Variants in NOVA1 observed in about 807,000 individuals in gnomAD.
NOVA1 encodes the protein RNA-binding protein Nova-1.
NOVA1 carries 7 observed loss-of-function variants against 38.0 expected under a neutral mutation model. The ratio of observed to expected loss-of-function variants is 0.18; its 90% CI spans 0.10 to 0.35. NOVA1 has a LOEUF of 0.35. Among genes scored for constraint, NOVA1 ranks in the 10% least tolerant of loss-of-function variants. NOVA1 has a pLI of 1.00. For missense variants in NOVA1, 460 were observed against 616.0 expected, an observed-to-expected ratio of 0.75 and a Z score of 2.68; for synonymous variants, 270 against 232.5, an observed-to-expected ratio of 1.16 and a Z score of -1.47.
intron 4 of NOVA1, among the ~76,000 whole-genome samples, chr14:26,468,219 G>A (rs1884298018): frequency 6.6e-6 from 1 of 152,030 alleles, no homozygotes; most frequent in Non-Finnish European, 1.5e-5. Context: ...GGAGAGGGAC[G>A]TGTGGCAGGC....
Position 26,550,039 on chromosome 14 carries a change from T to C in NOVA1, c.280+45371A>G, listed in dbSNP as rs148051324. Among the ~76,000 whole-genome samples, 690 of 152,268 alleles carry C rather than the reference T, an allele frequency of 4.5e-3. 6 individuals carry two copies. Among genetic ancestry groups the C allele is most frequent in the African/African-American group, 0.016 (646 of 41,562 alleles). On this transcript the variant is annotated intron_variant, in intron 2 of 4. Transcript: ENST00000539517. ...ATGCTAAGAATGGTTGCAGGAAACGTAGAAATATACTTACTCAATTCACAA... is the reference window on the plus strand; with the variant it reads ...ATGCTAAGAATGGTTGCAGGAAACGCAGAAATATACTTACTCAATTCACAA...
chr14:26,452,693 C>A (rs1882807328), intron 4 of NOVA1, among the ~76,000 whole-genome samples: 1 of 152,124 alleles, frequency 6.6e-6, no homozygotes, highest in Admixed American at 6.5e-5. Context: ...CAACGGCATA[C>A]CAATTATTTG....
chr14:26,475,654 A>G (rs1275253956), intron 3 of NOVA1, among the ~76,000 whole-genome samples: 1 of 152,202 alleles, frequency 6.6e-6, no homozygotes, highest in African/African-American at 2.4e-5. Flanking sequence ...ATAATTCTTT[A>G]GACGCTGAAG....
At chr14:26,543,632 T>C (rs1890607417) in intron 2 of NOVA1, among the ~76,000 whole-genome samples, 1 of 151,826 alleles carries the variant, frequency 6.6e-6, no homozygotes, top group Non-Finnish European at 1.5e-5. Context: ...CATCCCAAAA[T>C]GACAGAACAG....
At chr14:26,560,715 C>T (rs987142075) in intron 2 of NOVA1, among the ~76,000 whole-genome samples, 1 of 152,214 alleles carries the variant, frequency 6.6e-6, no homozygotes, top group Non-Finnish European at 1.5e-5. Flanking sequence ...CATACACACA[C>T]ATTTACATAT....
At position 26,576,609 on chromosome 14, in the gene NOVA1, G is replaced by GTA. The variant is rs201582019; in HGVS notation, c.280+18799_280+18800dup. 7.2e-4 allele frequency among the ~76,000 whole-genome samples: 109 copies of GTA among 151,114 alleles called. 1 individual carries two copies. Among genetic ancestry groups the GTA allele is most frequent in the Admixed American group, 1.8e-3 (27 of 15,170 alleles). On this transcript the variant is annotated intron_variant, in intron 2 of 4. Transcript: ENST00000539517. ...TCACAATGTGTGTGTCTGTGTGTGTGTATATATATATACACATACCACCTG... is the reference window on the plus strand; with the variant it reads ...TCACAATGTGTGTGTCTGTGTGTGTGTATATATATATATACACATACCACCTG...
chr14:26,578,745 T>C (rs1316523473), intron 2 of NOVA1, among the ~76,000 whole-genome samples: 1 of 152,056 alleles, frequency 6.6e-6, no homozygotes, highest in Non-Finnish European at 1.5e-5. Context: ...ATATTACAAA[T>C]GAGAAGGAAA....
chr14:26,448,337 T>C lies in NOVA1; in HGVS notation c.1146A>G (p.Thr382=). ...CAGCAGCCAGGCTACCTAATGCAAA[T>C]GTCCCCGCCGTACCACCAGCTGTGC... is the stretch of plus-strand genomic sequence containing the variant. ...SGSTAGGTAG[T]FALGSLAAAT... Residue 382 remains threonine, a synonymous_variant, in exon 5 of 5, where the codon ACA becomes ACG. Coordinates refer to ENST00000539517, the MANE Select transcript of NOVA1 (RefSeq NM_002515.3). The surrounding 1 kb of genome is among the most constrained non-coding windows in gnomAD (Gnocchi z 5.3). 6.2e-7 allele frequency: 1 copy of C among 1,610,206 alleles called. No individual in the cohort carries two copies. The highest frequency in any genetic ancestry group is 8.5e-7 in the Non-Finnish European group (1 of 1,178,656).
chr14:26,487,152 G>GT (rs1053272559), intron 2 of NOVA1, among the ~76,000 whole-genome samples: 4 of 152,128 alleles, frequency 2.6e-5, no homozygotes, highest in African/African-American at 9.7e-5. Context: ...ACATTGAAGG[G>GT]TTTTCTAGTC....
At chr14:26,530,063 G>A (rs913286087) in intron 2 of NOVA1, among the ~76,000 whole-genome samples, 1 of 152,114 alleles carries the variant, frequency 6.6e-6, no homozygotes, top group African/African-American at 2.4e-5. Flanking sequence ...GGGACTACAA[G>A]CACCCGCCAC....
chr14:26,582,437 A>G (rs1893279561), intron 2 of NOVA1, among the ~76,000 whole-genome samples: 1 of 151,836 alleles, frequency 6.6e-6, no homozygotes, highest in African/African-American at 2.4e-5. Context: ...ATTCTGTCAT[A>G]AAAGAACATT....
At chr14:26,482,565 C>T (rs1301347561) in intron 2 of NOVA1, among the ~76,000 whole-genome samples, 3 of 152,084 alleles carry the variant, frequency 2.0e-5, no homozygotes, top group Admixed American at 2.0e-4. Flanking sequence ...AACTAAACTG[C>T]CTGTTATTTA....
chr14:26,550,744 A>G (rs1208370123), intron 2 of NOVA1, among the ~76,000 whole-genome samples: 1 of 152,122 alleles, frequency 6.6e-6, no homozygotes, highest in Non-Finnish European at 1.5e-5. Flanking sequence ...TTTCTTTCTG[A>G]AACAGACTGA....
At chr14:26,579,179 T>C (rs1042135417) in intron 2 of NOVA1, among the ~76,000 whole-genome samples, 35 of 146,452 alleles carry the variant, frequency 2.4e-4, no homozygotes, top group African/African-American at 8.5e-4. Context: ...CGCCTCAGCC[T>C]CCCGAGTAGG....
chr14:26,565,346 GA>G (rs1351792516), intron 2 of NOVA1, among the ~76,000 whole-genome samples: 1 of 152,112 alleles, frequency 6.6e-6, no homozygotes, highest in African/African-American at 2.4e-5. Flanking sequence ...ACAGTGCCTA[GA>G]AGTCTATCGC....
intron 4 of NOVA1, chr14:26,470,000 TA>T: frequency 5.5e-6 from 1 of 182,676 alleles, no homozygotes; most frequent in Non-Finnish European, 1.1e-5. Flanking sequence ...GGAAACGTGT[TA>T]AGGGGTCTCA....
At position 26,508,985 on chromosome 14, in the gene NOVA1, G is replaced by C. The variant is rs143204726; in HGVS notation, c.281-28842C>G. ...ATAAAGGAAAGAAAAAAAGCAAAGA[G>C]AGTTAAAATTAAATTGAATGTGGCA... On this transcript the variant is annotated intron_variant, in intron 2 of 4. Transcript: ENST00000539517. Among the ~76,000 whole-genome samples the C allele has an allele frequency of 4.8e-3, 729 of 152,090 alleles. 7 individuals carry two copies. The highest frequency in any genetic ancestry group is 0.017 in the African/African-American group (700 of 41,522).
intron 3 of NOVA1, among the ~76,000 whole-genome samples, chr14:26,473,348 T>G (rs79779336): frequency 2.6e-5 from 4 of 151,878 alleles, no homozygotes; most frequent in Non-Finnish European, 5.9e-5. Context: ...CTAAGCAAAA[T>G]AGCATTGCTT....
rs1881860938 is a variant in NOVA1, at chr14:26,443,697, T to C, written c.*4262A>G. ...AACAACAGTGCATAACAATATTATG[T>C]ATTCATGTTTATGAGAAACCAAGCA... On this transcript the variant is annotated 3_prime_UTR_variant, in exon 5 of 5. Transcript: ENST00000539517. 6.6e-6 allele frequency: 1 copy of C among 152,046 alleles called. No homozygotes were observed. Among genetic ancestry groups the C allele is most frequent in the Non-Finnish European group, 1.5e-5 (1 of 67,802 alleles). The allele number at this position is 152,046 out of a possible 1,614,324, so 9.4% of individuals were successfully genotyped here.
Sources: gnomAD v4.1 joint callset for allele counts (sites outside exome capture counted in the v4.1 genomes callset) on GRCh38, gnomAD v4.1.1 for gene constraint, Gnocchi (gnomAD v3.1) non-coding constraint, MANE v1.5 for transcripts, NCBI Gene and HGNC (gene_info 2026-07-23, HGNC 2026-07-21) for gene names.